Variants in ABLIM2 observed in about 807,000 individuals in gnomAD.
ABLIM2 encodes actin-binding LIM protein 2.
ABLIM2 carries 53 observed loss-of-function variants against 97.7 expected under a neutral mutation model. That is an observed-to-expected ratio of 0.54 (90% CI 0.44 to 0.68). The LOEUF is 0.68. ABLIM2 is among the 30% of genes least tolerant of loss of function. The pLI is 0.00. For synonymous variants in ABLIM2, 361 were observed against 345.8 expected (o/e 1.04, Z -0.49); for missense variants, 835 against 867.2 (o/e 0.96, Z 0.47).
In ABLIM2 at chr4:8,058,018, G is replaced by C. The variant is rs964403544; in HGVS notation, c.763+2949C>G. Among the ~76,000 whole-genome samples, 4 of 152,196 alleles carry C rather than the reference G, an allele frequency of 2.6e-5. No individual in the cohort carries two copies. The highest frequency in any genetic ancestry group is 5.9e-5 in the Non-Finnish European group (4 of 68,038). On this transcript the variant is annotated intron_variant, in intron 7 of 20. Transcript: ENST00000447017. This position sits in a 1 kb window ranked among gnomAD's most constrained non-coding sequence, Gnocchi z 4.2. ...CAAGTTAGGAGAGGGGACAGGCCTG[G>C]GTTCGACATCCCACAGAACCTCACA...
chr4:7,994,098 T>C (rs1751255116), intron 16 of ABLIM2, among the ~76,000 whole-genome samples: 1 of 52,432 alleles, frequency 1.9e-5, no homozygotes, highest in Admixed American at 2.2e-4. Context: ...TTTTTTTTTT[T>C]TTTTTTTTTT....
intron 1 of ABLIM2, among the ~76,000 whole-genome samples, chr4:8,142,624 G>A (rs990408786): frequency 1.3e-5 from 2 of 152,204 alleles, no homozygotes; most frequent in African/African-American, 2.4e-5. Flanking sequence ...CTGCTGAATG[G>A]TGCATGGTGG....
Position 8,044,706 on chromosome 4 carries a change from G to A in ABLIM2, c.900+458C>T, listed in dbSNP as rs6830813. Among the ~76,000 whole-genome samples, 44,499 of 149,890 alleles carry A rather than the reference G, an allele frequency of 0.3. 7,214 individuals are homozygous for A. Among genetic ancestry groups the A allele is most frequent in the African/African-American group, 0.42 (16,910 of 40,170 alleles). On this transcript the variant is annotated intron_variant, in intron 9 of 20. Transcript: ENST00000447017. This position sits in a 1 kb window ranked among gnomAD's most constrained non-coding sequence, Gnocchi z 4.4. Reference sequence around the variant, plus strand: ...CTCTCTCTCTCGAACGAACGAAAACGGGATCACATAATTTACATCACCCTT... The same window carrying A: ...CTCTCTCTCTCGAACGAACGAAAACAGGATCACATAATTTACATCACCCTT...
Position 8,072,136 on chromosome 4 carries a change from G to T in ABLIM2, c.675+5492C>A. ...CAAAAGCATTAATCTTCCCCAGGAG[G>T]CCCTTTCTCCTCCACAGCAGAGGAG... On this transcript the variant is annotated intron_variant, in intron 6 of 20. Coordinates refer to ENST00000447017, the MANE Select transcript of ABLIM2 (RefSeq NM_001130083.2). This position sits in a 1 kb window ranked among gnomAD's most constrained non-coding sequence, Gnocchi z 5.8. 1.1e-6 allele frequency: 1 copy of T among 900,218 alleles called. No homozygotes were observed. Among genetic ancestry groups the T allele is most frequent in the Non-Finnish European group, 1.3e-6 (1 of 752,292 alleles). 55.8% of individuals were successfully genotyped at this position (900,218 alleles called of 1,614,324 possible).
At position 8,130,010 on chromosome 4, in the gene ABLIM2, G is replaced by A. The variant is rs939937059; in HGVS notation, c.11-23373C>T. ...TAGTCAGCACAGCTGGTGCCCTGCG[G>A]GCTCCCAGCACTCAGCACTGCCTGG... On this transcript the variant is annotated intron_variant, in intron 1 of 20. Transcript: ENST00000447017. This position sits in a 1 kb window ranked among gnomAD's most constrained non-coding sequence, Gnocchi z 4.2. 6.6e-6 allele frequency among the ~76,000 whole-genome samples: 1 copy of A among 152,248 alleles called. No homozygotes were observed. The highest frequency in any genetic ancestry group is 1.5e-5 in the Non-Finnish European group (1 of 68,044).
At chr4:8,111,369 G>A (rs1284473446) in intron 1 of ABLIM2, among the ~76,000 whole-genome samples, 1 of 152,216 alleles carries the variant, frequency 6.6e-6, no homozygotes, top group Non-Finnish European at 1.5e-5. Flanking sequence ...TAGCAGTGAC[G>A]CTGCTCTGGG....
At chr4:8,135,439 C>T (rs527318214) in intron 1 of ABLIM2, among the ~76,000 whole-genome samples, 109 of 152,286 alleles carry the variant, frequency 7.2e-4, no homozygotes, top group African/African-American at 2.5e-3. Context: ...GTGAGGCCTT[C>T]GGAAGGTGAT....
chr4:7,966,835 G>A lies in ABLIM2; in HGVS notation c.*155C>T. ...ACTACCGGCAGGAGTGTCGCCGGCA[G>A]GTGCAGGGGCCGCACCTGCTGGGGG... On this transcript the variant is annotated 3_prime_UTR_variant, in exon 21 of 21. Coordinates refer to ENST00000447017, the MANE Select transcript of ABLIM2 (RefSeq NM_001130083.2). 1.7e-6 allele frequency: 1 copy of A among 594,644 alleles called. No individual in the cohort carries two copies. Among genetic ancestry groups the A allele is most frequent in the Non-Finnish European group, 3.0e-6 (1 of 337,038 alleles). The allele number at this position is 594,644 out of a possible 1,614,324, so 36.8% of individuals were successfully genotyped here. A position where few individuals can be genotyped will look rare whatever the true frequency, so the allele number is the denominator to read the frequency against.
At chr4:8,108,002 C>T (rs775618493) in intron 1 of ABLIM2, among the ~76,000 whole-genome samples, 108 of 152,348 alleles carry the variant, frequency 7.1e-4, no homozygotes, top group Non-Finnish European at 1.2e-3. Context: ...AAGGATTCTC[C>T]TCCAGAGTCC....
chr4:7,984,849 C>A lies in ABLIM2; in HGVS notation c.1725G>T (p.Trp575Cys). 1 of 1,604,936 alleles carries A rather than the reference C, an allele frequency of 6.2e-7. No homozygotes were observed. Residue 575 changes from tryptophan (W) to cysteine (C), a missense_variant, in exon 18 of 21, where the codon TGG becomes TGT. Transcript: ENST00000447017. ...CCCCGCTCTGTGTACCTCGCATGCC[C>A]CAGCTGGCATCCGGGTCTGCTCCAC... ...APCGADPDAS[W>C]GMREYKIYPY...
chr4:8,050,260 T>C (rs781201537), intron 8 of ABLIM2, among the ~76,000 whole-genome samples: 1 of 152,156 alleles, frequency 6.6e-6, no homozygotes, highest in East Asian at 1.9e-4. Context: ...CTTCCAGTAT[T>C]TTACAGTTTC....
At chr4:8,042,749 G>A (rs1388836710) in intron 9 of ABLIM2, among the ~76,000 whole-genome samples, 2 of 148,458 alleles carry the variant, frequency 1.3e-5, no homozygotes, top group African/African-American at 2.5e-5. Flanking sequence ...TGAGGCAGGA[G>A]AATCGCTTGA....
intron 5 of ABLIM2, 79 bp from the exon 6 acceptor site, chr4:8,077,800 G>C (rs1442410669): frequency 6.3e-6 from 8 of 1,269,752 alleles, no homozygotes; most frequent in African/African-American, 1.5e-5. Context: ...ACCAACAAGA[G>C]AGTCTGCCCT....
In ABLIM2 at chr4:8,061,757, A is replaced by T. The variant is rs1216728327; in HGVS notation, c.676-703T>A. On this transcript the variant is annotated intron_variant, in intron 6 of 20. Transcript: ENST00000447017. The surrounding 1 kb of genome is among the most constrained non-coding windows in gnomAD (Gnocchi z 4.5). ...GGGTGCAGCCTATTGCTAAATGTGG[A>T]TGCTAAATCCCCGTGGCTCATTCTT... Among the ~76,000 whole-genome samples, 3 of 151,774 alleles carry T rather than the reference A, an allele frequency of 2.0e-5. No homozygotes were observed. Among genetic ancestry groups the T allele is most frequent in the African/African-American group, 7.3e-5 (3 of 41,262 alleles).
In ABLIM2 at chr4:8,020,539, G is replaced by T. The variant is rs1578849010; in HGVS notation, c.1268-236C>A. The stretch of plus-strand genomic sequence containing the variant: ...CTGTCCAGAGTCCCAAGGCAGAGGA[G>T]CGACATTGCTGAGGGCAGAGGGCTG... On this transcript the variant is annotated intron_variant, in intron 12 of 20. Transcript: ENST00000447017. 4 of 621,608 alleles carry T rather than the reference G, an allele frequency of 6.4e-6. No individual in the cohort carries two copies. In the East Asian group the frequency reaches 1.1e-4, roughly 18 times the overall value. 38.5% of individuals were successfully genotyped at this position (621,608 alleles called of 1,614,324 possible).
chr4:8,012,206 C>T (rs867255287), intron 14 of ABLIM2, among the ~76,000 whole-genome samples: 9 of 151,028 alleles, frequency 6.0e-5, no homozygotes, highest in Admixed American at 1.3e-4. Flanking sequence ...CCCATTCACC[C>T]GCCTATACAT....
intron 1 of ABLIM2, among the ~76,000 whole-genome samples, chr4:8,114,898 T>A (rs950236171): frequency 6.1e-4 from 93 of 152,146 alleles, no homozygotes; most frequent in African/African-American, 2.1e-3. Context: ...GGGACACTCC[T>A]CCCGGGGCCC....
intron 1 of ABLIM2, among the ~76,000 whole-genome samples, chr4:8,111,740 A>C (rs994636690): frequency 2.0e-5 from 3 of 152,178 alleles, no homozygotes; most frequent in Non-Finnish European, 4.4e-5. Flanking sequence ...AGCATGGCCA[A>C]CATGGCAAAA....
At chr4:8,049,806 G>C (rs13152121) in intron 8 of ABLIM2, among the ~76,000 whole-genome samples, 2,503 of 152,250 alleles carry the variant, frequency 0.016, 41 homozygotes, top group Middle Eastern at 0.048. Flanking sequence ...TTGACTCACT[G>C]CAACCTCTGC....
Sources: allele counts gnomAD v4.1 joint callset (sites outside exome capture counted in the v4.1 genomes callset), GRCh38; gene constraint gnomAD v4.1.1; non-coding constraint Gnocchi (gnomAD v3.1); transcripts MANE v1.5; gene names NCBI Gene and HGNC (gene_info 2026-07-23, HGNC 2026-07-21).